Variants in VRTN observed in about 807,000 individuals in gnomAD.
VRTN encodes the protein vertnin.
Under a neutral mutation model 18.2 loss-of-function variants are expected in VRTN, and 5 were observed. The ratio of observed to expected loss-of-function variants is 0.27; its 90% confidence interval spans 0.14 to 0.58. VRTN has a LOEUF of 0.58. VRTN is among the 20% of genes least tolerant of loss of function. The pLI, the probability that VRTN is intolerant of heterozygous loss-of-function variation, is 0.91. For synonymous variants in VRTN, 381 were observed against 393.7 expected, an observed-to-expected ratio of 0.97 and a Z score of 0.38; for missense variants, 741 against 939.4, an observed-to-expected ratio of 0.79 and a Z score of 2.76.
At chr14:74,349,162 C>T (rs1237229918) in intron 1 of VRTN, among the ~76,000 whole-genome samples, 1 of 152,174 alleles carries the variant, frequency 6.6e-6, no homozygotes, top group Non-Finnish European at 1.5e-5. Context: ...GGCCTCAGGC[C>T]CACCCCTGTG....
In VRTN at chr14:74,357,786, T is replaced by G; in HGVS notation, c.1003T>G (p.Phe335Val). The change falls in exon 2 of 2, where the codon TTC (phenylalanine) becomes GTC (valine). Residue 335 changes from phenylalanine (F) to valine (V), a missense_variant. Transcript: ENST00000256362. This position sits in a 1 kb window ranked among gnomAD's most constrained non-coding sequence, Gnocchi z 7.8. ...HRGGVVPLQQ[F>V]LQRFPEISRS... ...GGGGGGCGTCGTGCCACTTCAGCAG[T>G]TCCTCCAGCGGTTCCCGGAGATCTC... 6.2e-7 allele frequency: 1 copy of G among 1,613,116 alleles called. No individual in the cohort carries two copies. The highest frequency in any genetic ancestry group is 8.5e-7 in the Non-Finnish European group (1 of 1,180,012).
intron 2 of VRTN, among the ~76,000 whole-genome samples, chr14:74,339,678 G>T (rs534447227): frequency 6.6e-6 from 1 of 152,192 alleles, no homozygotes; most frequent in South Asian, 2.1e-4. Flanking sequence ...ATTGGGCATG[G>T]TGGCACATGC....
At chr14:74,325,636 CT>C (rs1691377907) in intron 1 of VRTN, among the ~76,000 whole-genome samples, 1 of 151,866 alleles carries the variant, frequency 6.6e-6, no homozygotes, top group Admixed American at 6.6e-5. Context: ...AGTGGGACCC[CT>C]GTCTACTCAG....
intron 1 of VRTN, among the ~76,000 whole-genome samples, chr14:74,331,544 T>TTATACATA (rs2085524811): frequency 2.3e-5 from 1 of 43,450 alleles, no homozygotes. Flanking sequence ...AAAAAAAATT[T>TTATACATA]TATATATATA....
Position 74,357,239 on chromosome 14 carries a change from G to T in VRTN, c.456G>T (p.Thr152=). The T allele has an allele frequency of 1.2e-6, 2 of 1,613,366 alleles. No individual in the cohort carries two copies. The highest frequency in any genetic ancestry group is 1.3e-5 in the African/African-American group (1 of 75,026). ...SPEMTSLPPA[T]LEAIFDADVK... Reference sequence around the variant, plus strand: ...AGATGACCAGCTTGCCCCCCGCCACGCTGGAGGCCATCTTCGATGCCGACG... The same window carrying T: ...AGATGACCAGCTTGCCCCCCGCCACTCTGGAGGCCATCTTCGATGCCGACG... Residue 152 remains threonine (T), a synonymous_variant, in exon 2 of 2, where the codon ACG becomes ACT. Transcript: ENST00000256362. The surrounding 1 kb of genome is among the most constrained non-coding windows in gnomAD (Gnocchi z 7.8).
rs148198522 is a variant in VRTN at position 74,336,621 on chromosome 14, T to C, written c.-163-1102T>C. Among the ~76,000 whole-genome samples, 1,232 of 152,262 alleles carry C rather than the reference T, an allele frequency of 8.1e-3. 11 individuals are homozygous for C. The highest frequency in any genetic ancestry group is 0.028 in the African/African-American group (1,176 of 41,542). Reference sequence around the variant, plus strand: ...GGCTATCTTTCTGGGTTAGTTCCCATAGATCTATTGACACATCAGTAGTGG... The same window carrying C: ...GGCTATCTTTCTGGGTTAGTTCCCACAGATCTATTGACACATCAGTAGTGG... On this transcript the variant is annotated intron_variant, in intron 1 of 2. Coordinates refer to the VRTN transcript ENST00000557177.
intron 1 of VRTN, among the ~76,000 whole-genome samples, chr14:74,326,843 G>A (rs890238547): frequency 1.8e-4 from 27 of 152,098 alleles, no homozygotes; most frequent in African/African-American, 4.8e-4. Context: ...GCTCCTCCTC[G>A]TTCCCTGGAG....
At chr14:74,306,158 A>ATTTTTTTTTTTTTTTT in intron 1 of VRTN, 1 of 63,430 alleles carries the variant, frequency 1.6e-5, no homozygotes, top group African/African-American at 8.7e-5. Context: ...ATATATATAT[A>ATTTTTTTTTTTTTTTT]TATATATATA....
chr14:74,355,635 A>G lies in VRTN; in HGVS notation c.-1-1148A>G, dbSNP rs568354933. On this transcript the variant is annotated intron_variant, in intron 1 of 1. Transcript: ENST00000256362. ...GTGCGGCCTCCACCTCCCAAGTTCAAGTGATTCTCGTGCCTCAGCCTCCTG... is the reference window on the plus strand; with the variant it reads ...GTGCGGCCTCCACCTCCCAAGTTCAGGTGATTCTCGTGCCTCAGCCTCCTG... Among the ~76,000 whole-genome samples the G allele has an allele frequency of 3.9e-5, 6 of 152,150 alleles. 1 individual carries two copies. In the South Asian group the frequency reaches 1.2e-3, roughly 32 times the overall value.
At chr14:74,335,222 A>G (rs2085556042) in intron 1 of VRTN, among the ~76,000 whole-genome samples, 1 of 152,196 alleles carries the variant, frequency 6.6e-6, no homozygotes, top group Admixed American at 6.5e-5. Flanking sequence ...CGGAGTTTGC[A>G]GTGAGCTGAC....
intron 1 of VRTN, among the ~76,000 whole-genome samples, chr14:74,321,056 T>C (rs2085453143): frequency 6.6e-6 from 1 of 152,024 alleles, no homozygotes; most frequent in Non-Finnish European, 1.5e-5. Context: ...GCAGGTTCCA[T>C]GGAGTGGGTT....
rs1167816053 is a variant in VRTN, at chr14:74,348,634, G to A, written c.-20G>A. On this transcript the variant is annotated 5_prime_UTR_variant, in exon 1 of 2. Coordinates refer to ENST00000256362, the MANE Select transcript of VRTN (RefSeq NM_018228.3). Reference sequence around the variant, plus strand: ...GGAGCGAGAAGTGGATGCCCCCAGGGCTCTGGGTCACACTCCAGGTCAGTA... The same window carrying A: ...GGAGCGAGAAGTGGATGCCCCCAGGACTCTGGGTCACACTCCAGGTCAGTA... 6.6e-6 allele frequency: 1 copy of A among 152,336 alleles called. No homozygotes were observed. Among genetic ancestry groups the A allele is most frequent in the Non-Finnish European group, 1.5e-5 (1 of 68,166 alleles). The allele number at this position is 152,336 out of a possible 1,614,324, so 9.4% of individuals were successfully genotyped here.
intron 1 of VRTN, among the ~76,000 whole-genome samples, chr14:74,330,126 C>T (rs184168022): frequency 2.0e-5 from 3 of 151,970 alleles, no homozygotes; most frequent in East Asian, 1.9e-4. Context: ...CTGCCTGCCT[C>T]GGCCTCCCAG....
rs1392058386 is a variant in VRTN at position 74,359,895 on chromosome 14, G to C, written c.*1003G>C. 6.0e-6 allele frequency: 1 copy of C among 167,096 alleles called. No individual in the cohort carries two copies. Among genetic ancestry groups the C allele is most frequent in the Non-Finnish European group, 1.5e-5 (1 of 68,144 alleles). 10.4% of individuals were successfully genotyped at this position (167,096 alleles called of 1,614,324 possible). ...TCTGCTGAGCGTCTTCTCGGAGCTG[G>C]AGGCCCATCTTCAGTGAGAGATCAC... On this transcript the variant is annotated 3_prime_UTR_variant, in exon 2 of 2. Coordinates refer to ENST00000256362, the MANE Select transcript of VRTN (RefSeq NM_018228.3).
chr14:74,311,673 G>C (rs1255098681), intron 1 of VRTN, among the ~76,000 whole-genome samples: 1 of 151,892 alleles, frequency 6.6e-6, no homozygotes, highest in Non-Finnish European at 1.5e-5. Context: ...GCCTTCCAAA[G>C]TGCTGGGATT....
rs1053916179 is a variant in VRTN, at chr14:74,359,076, C to T, written c.*184C>T. ...ACAGAGAATGCCAGAAATCAGCCAT[C>T]TGGTCTCCCGTAGGAAACTGTGGGA... On this transcript the variant is annotated 3_prime_UTR_variant, in exon 2 of 2. Coordinates refer to ENST00000256362, the MANE Select transcript of VRTN (RefSeq NM_018228.3). 26 of 1,204,578 alleles carry T rather than the reference C, an allele frequency of 2.2e-5. No individual in the cohort carries two copies. Among genetic ancestry groups the T allele is most frequent in the Middle Eastern group, 6.0e-4 (2 of 3,310 alleles). 74.6% of individuals were successfully genotyped at this position (1,204,578 alleles called of 1,614,324 possible). A position where few individuals can be genotyped will look rare whatever the true frequency, so the allele number is the denominator to read the frequency against.
At chr14:74,334,855 A>G (rs1369004014) in intron 1 of VRTN, among the ~76,000 whole-genome samples, 1 of 152,172 alleles carries the variant, frequency 6.6e-6, no homozygotes, top group African/African-American at 2.4e-5. Context: ...GGGTGGGTCT[A>G]TGGATTGGAT....
chr14:74,358,494 G>A lies in VRTN; in HGVS notation c.1711G>A (p.Glu571Lys), dbSNP rs746538605. The change falls in exon 2 of 2, where the codon GAG (glutamate) becomes AAG (lysine). Residue 571 changes from glutamate to lysine, a missense_variant. Around this residue, in one of 3 missense-constraint regions of VRTN, gnomAD observed 494 missense variants for 546.5 expected, o/e 0.90. Transcript: ENST00000256362. This position sits in a 1 kb window ranked among gnomAD's most constrained non-coding sequence, Gnocchi z 5.4. ...CCCCACCTTGGGCAAAGGGGGGCAG[G>A]AGGCTGAGGAGAAGCAGGAGAAGGA... is the stretch of plus-strand genomic sequence containing the variant. ...PVPTLGKGGQ[E>K]AEEKQEKEAG... 1.9e-6 allele frequency: 3 copies of A among 1,614,166 alleles called. No individual in the cohort carries two copies. The highest frequency in any genetic ancestry group is 2.5e-6 in the Non-Finnish European group (3 of 1,179,986).
chr14:74,327,261 G>A (rs1353063276), intron 1 of VRTN, among the ~76,000 whole-genome samples: 1 of 152,138 alleles, frequency 6.6e-6, no homozygotes, highest in African/African-American at 2.4e-5. Flanking sequence ...AAGCCTCCTC[G>A]GTCCGCTGGT....
Sources: allele counts gnomAD v4.1 joint callset (sites outside exome capture counted in the v4.1 genomes callset), GRCh38; gene constraint gnomAD v4.1.1; regional missense constraint gnomAD v4.1.1; non-coding constraint Gnocchi (gnomAD v3.1); transcripts MANE v1.5; gene names NCBI Gene and HGNC (gene_info 2026-07-23, HGNC 2026-07-21).